SLC16A14: variants seen among roughly 807,000 people sequenced by gnomAD.
The protein encoded by SLC16A14 is solute carrier family 16 member 14, also known as monocarboxylate transporter 14.
Under a neutral mutation model 35.8 loss-of-function variants are expected in SLC16A14, and 14 were observed. The observed-to-expected ratio is 0.39, with a 90% CI of 0.26 to 0.61. SLC16A14 has a LOEUF of 0.61. Among genes scored for constraint, SLC16A14 ranks in the 20% least tolerant of loss-of-function variants. The pLI is 0.51. For synonymous variants in SLC16A14, 248 were observed against 258.9 expected (o/e 0.96, Z 0.40); for missense variants, 533 against 655.0 (o/e 0.81, Z 2.03).
At chr2:230,050,701 A>G (rs1286076759) in intron 2 of SLC16A14, among the ~76,000 whole-genome samples, 1 of 152,204 alleles carries the variant, frequency 6.6e-6, no homozygotes, top group Non-Finnish European at 1.5e-5. Flanking sequence ...ACTTAAGCTT[A>G]TATGTTTTAC....
intron 1 of SLC16A14, among the ~76,000 whole-genome samples, chr2:230,064,388 AGG>A (rs1491237974): frequency 1.2e-4 from 19 of 152,050 alleles, no homozygotes; most frequent in African/African-American, 4.6e-4. Context: ...GGGGCTAGAA[AGG>A]GATGGGGCAG....
In SLC16A14 at chr2:230,037,622, G is replaced by T; in HGVS notation, c.1382-91C>A. 6.2e-6 allele frequency: 6 copies of T among 962,518 alleles called. No individual in the cohort carries two copies. In the South Asian group the frequency reaches 6.3e-5, roughly 10 times the overall value. The allele number at this position is 962,518 out of a possible 1,614,324, so 59.6% of individuals were successfully genotyped here. On this transcript the variant is annotated intron_variant, in intron 4 of 4. Transcript: ENST00000295190. ...GCAGGCATTTATTGCTGCTGTACAT[G>T]TTTCTACAAGAATTTATATGTCATT...
intron 1 of SLC16A14, among the ~76,000 whole-genome samples, chr2:230,060,621 C>T (rs2077744584): frequency 6.6e-6 from 1 of 152,102 alleles, no homozygotes; most frequent in Admixed American, 6.5e-5. Context: ...CTCAGCCTCC[C>T]AAAATGCTGG....
At chr2:230,052,536 A>G (rs538747335) in intron 2 of SLC16A14, among the ~76,000 whole-genome samples, 3 of 152,226 alleles carry the variant, frequency 2.0e-5, no homozygotes, top group South Asian at 2.1e-4. Context: ...CAGTAGCACA[A>G]TCATATTTTC....
At position 230,068,580 on chromosome 2, in the gene SLC16A14, C is replaced by A. The variant is rs1208199346; in HGVS notation, c.-40G>T. On this transcript the variant is annotated 5_prime_UTR_variant, in exon 1 of 5. In the 5' UTR this introduces an upstream ATG that the reference lacks. Coordinates refer to ENST00000295190, the MANE Select transcript of SLC16A14 (RefSeq NM_152527.5). The surrounding 1 kb of genome is among the most constrained non-coding windows in gnomAD (Gnocchi z 5.1). ...CGCCCGAGGCCCGCTGGGCTGCGGC[C>A]TCACTCGGCTCCACGCCCGGATCCT... 6.5e-6 allele frequency: 1 copy of A among 152,848 alleles called. No individual in the cohort carries two copies. Among genetic ancestry groups the A allele is most frequent in the Non-Finnish European group, 1.5e-5 (1 of 68,224 alleles). 9.5% of individuals were successfully genotyped at this position (152,848 alleles called of 1,614,324 possible).
intron 2 of SLC16A14, among the ~76,000 whole-genome samples, chr2:230,054,368 CAGTT>C (rs1420231322): frequency 6.6e-6 from 1 of 152,194 alleles, no homozygotes; most frequent in African/African-American, 2.4e-5. Flanking sequence ...TATTCCTAAG[CAGTT>C]AGTCACAGAG....
intron 1 of SLC16A14, among the ~76,000 whole-genome samples, chr2:230,065,213 A>C (rs2077783875): frequency 6.6e-6 from 1 of 152,218 alleles, no homozygotes; most frequent in Admixed American, 6.5e-5. Flanking sequence ...TTAATGGACA[A>C]ATTTTATTCA....
chr2:230,049,642 T>G, intron 3 of SLC16A14, 119 bp downstream of exon 3: 1 of 1,033,578 alleles, frequency 9.7e-7, no homozygotes, highest in Non-Finnish European at 1.4e-6. Context: ...TGGGGTGAAG[T>G]GGGGGGGAGG....
chr2:230,051,183 C>T (rs1338908427), intron 2 of SLC16A14, among the ~76,000 whole-genome samples: 1 of 152,122 alleles, frequency 6.6e-6, no homozygotes, highest in Admixed American at 6.6e-5. Flanking sequence ...TGTTTTGATA[C>T]AGGGTCTCAC....
intron 2 of SLC16A14, among the ~76,000 whole-genome samples, chr2:230,053,423 T>C (rs953082577): frequency 2.6e-5 from 4 of 152,208 alleles, no homozygotes; most frequent in African/African-American, 9.6e-5. Context: ...TAGGATGAGA[T>C]TATTCACATT....
intron 1 of SLC16A14, among the ~76,000 whole-genome samples, chr2:230,064,306 G>GTGTT (rs2077774351): frequency 6.6e-6 from 1 of 150,922 alleles, no homozygotes; most frequent in African/African-American, 2.4e-5. Context: ...GTGTGTGTGT[G>GTGTT]TGTGTGTATG....
chr2:230,052,913 C>G (rs370521558), intron 2 of SLC16A14, among the ~76,000 whole-genome samples: 3 of 149,770 alleles, frequency 2.0e-5, no homozygotes, highest in African/African-American at 2.5e-5. Context: ...CCTCCTCCCC[C>G]CCTTCCTTCC....
rs773830242 is a variant in SLC16A14 at position 230,059,059 on chromosome 2, G to A, written c.259+35C>T. On this transcript the variant is annotated intron_variant, in intron 2 of 4. Coordinates refer to ENST00000295190, the MANE Select transcript of SLC16A14 (RefSeq NM_152527.5). Reference sequence around the variant, plus strand: ...CAGTGGGGAATTGTCATTTGATAACGATTCAGTTTTACGACAGGTCACACA... The same window carrying A: ...CAGTGGGGAATTGTCATTTGATAACAATTCAGTTTTACGACAGGTCACACA... The A allele has an allele frequency of 1.8e-5, 27 of 1,536,132 alleles. No individual in the cohort carries two copies. In the Admixed American group the frequency reaches 3.6e-4, roughly 20 times the overall value.
At chr2:230,037,600 G>T (rs1335619643) in intron 4 of SLC16A14, 69 bp from the exon 5 acceptor site, 1 of 1,275,428 alleles carries the variant, frequency 7.8e-7, no homozygotes, top group African/African-American at 1.5e-5. Flanking sequence ...ACATGAAGCA[G>T]GCATTTATTG....
At position 230,046,527 on chromosome 2, in the gene SLC16A14, A is replaced by G; in HGVS notation, c.599T>C (p.Leu200Pro). 1 of 1,614,214 alleles carries G rather than the reference A, an allele frequency of 6.2e-7. No homozygotes were observed. Among genetic ancestry groups the G allele is most frequent in the East Asian group, 2.2e-5 (1 of 44,864 alleles). ...GAGCGCCCCACAAACACACAGGTTTAGGGAAACGGCACCTTGGATCAACAT... is the reference window on the plus strand; with the variant it reads ...GAGCGCCCCACAAACACACAGGTTTGGGGAAACGGCACCTTGGATCAACAT... Reference protein sequence around the residue: ...NAMLIQGAVSLNLCVCGALMR... With the variant: ...NAMLIQGAVSPNLCVCGALMR... Residue 200 changes from leucine (L) to proline (P), a missense_variant, in exon 4 of 5, where the codon CTA becomes CCA. Transcript: ENST00000295190. This position sits in a 1 kb window ranked among gnomAD's most constrained non-coding sequence, Gnocchi z 5.0.
intron 3 of SLC16A14, among the ~76,000 whole-genome samples, chr2:230,047,518 T>C (rs2077619689): frequency 6.6e-6 from 1 of 152,126 alleles, no homozygotes; most frequent in Non-Finnish European, 1.5e-5. Context: ...TTGCCCAAGC[T>C]GGTCTCAAAC....
rs562094733 is a variant in SLC16A14 at position 230,048,943 on chromosome 2, A to AAAAAAG, written c.403+817_403+818insCTTTTT. 1.4e-4 allele frequency among the ~76,000 whole-genome samples: 15 copies of AAAAAAG among 107,286 alleles called. 1 individual carries two copies. Among genetic ancestry groups the AAAAAAG allele is most frequent in the East Asian group, 2.6e-4 (1 of 3,776 alleles). 70.4% of individuals were successfully genotyped at this position (107,286 alleles called of 152,430 possible). A position where few individuals can be genotyped will look rare whatever the true frequency, so the allele number is the denominator to read the frequency against. ...CATCTCAAAAAAAAAAAAAAAAAAA[A>AAAAAAG]AACAAATGATTATTAAAGAGTAAAT... On this transcript the variant is annotated intron_variant, in intron 3 of 4. Transcript: ENST00000295190.
intron 4 of SLC16A14, among the ~76,000 whole-genome samples, chr2:230,044,235 A>G (rs187567493): frequency 1.3e-5 from 2 of 151,322 alleles, no homozygotes; most frequent in East Asian, 3.9e-4. Flanking sequence ...GCACTTTGGG[A>G]GGCCGAGGCA....
chr2:230,037,374 A>T lies in SLC16A14; in HGVS notation c.*6T>A. On this transcript the variant is annotated 3_prime_UTR_variant, in exon 5 of 5. Transcript: ENST00000295190. Reference sequence around the variant, plus strand: ...CAATGAAACCTACACGGAACATTACATGATACTAAACATGTGCACCATCCA... The same window carrying T: ...CAATGAAACCTACACGGAACATTACTTGATACTAAACATGTGCACCATCCA... 1 of 1,592,390 alleles carries T rather than the reference A, an allele frequency of 6.3e-7. No individual in the cohort carries two copies. Among genetic ancestry groups the T allele is most frequent in the Non-Finnish European group, 8.5e-7 (1 of 1,172,756 alleles).
Sources: gnomAD v4.1 joint callset for allele counts (sites outside exome capture counted in the v4.1 genomes callset) on GRCh38, gnomAD v4.1.1 for gene constraint, Gnocchi (gnomAD v3.1) non-coding constraint, MANE v1.5 for transcripts, NCBI Gene and HGNC (gene_info 2026-07-23, HGNC 2026-07-21) for gene names.